NCALD: variants seen among roughly 807,000 people sequenced by gnomAD.
NCALD encodes neurocalcin delta.
A neutral mutation model predicts 18.6 loss-of-function variants in NCALD; 10 were observed. The ratio of observed to expected loss-of-function variants is 0.54; its 90% CI spans 0.33 to 0.91. The LOEUF (loss-of-function observed/expected upper bound fraction) is 0.91, where lower values mean the gene tolerates loss of function less well. Ranked by LOEUF, NCALD falls within the 40% of genes least tolerant of loss-of-function variation. NCALD has a pLI of 0.03. For missense variants in NCALD, 184 were observed against 247.6 expected, an observed-to-expected ratio of 0.74 and a Z score of 1.72; for synonymous variants, 88 against 87.4, an observed-to-expected ratio of 1.01 and a Z score of -0.04.
At position 101,868,526 on chromosome 8, in the gene NCALD, G is replaced by A. The variant is rs145790919; in HGVS notation, c.-20+18615C>T. On this transcript the variant is annotated intron_variant, in intron 4 of 6. Transcript: ENST00000311028. Reference sequence around the variant, plus strand: ...TTGCAAACCTCCCCCATTTCTGCCTGGCAGATGGAAAGTTGAAAGTACCTT... The same window carrying A: ...TTGCAAACCTCCCCCATTTCTGCCTAGCAGATGGAAAGTTGAAAGTACCTT... Among the ~76,000 whole-genome samples the A allele has an allele frequency of 6.1e-3, 931 of 152,294 alleles. 8 individuals carry two copies. The highest frequency in any genetic ancestry group is 0.024 in the Middle Eastern group (7 of 294).
At chr8:101,714,327 A>G (rs1254852232) in intron 2 of NCALD, among the ~76,000 whole-genome samples, 1 of 152,198 alleles carries the variant, frequency 6.6e-6, no homozygotes, top group Non-Finnish European at 1.5e-5. Context: ...CAAAAATCAC[A>G]AGCTTTCCTA....
chr8:102,097,110 G>A (rs1310049438), intron 1 of NCALD, among the ~76,000 whole-genome samples: 3 of 152,180 alleles, frequency 2.0e-5, no homozygotes, highest in African/African-American at 7.2e-5. Context: ...AGTCATGTAT[G>A]TTAGAGGTTT....
At chr8:101,704,705 G>T (rs553713528) in intron 2 of NCALD, among the ~76,000 whole-genome samples, 1 of 147,476 alleles carries the variant, frequency 6.8e-6, no homozygotes, top group African/African-American at 2.5e-5. Flanking sequence ...ATCAGCTGAG[G>T]TCAGGAGTTC....
intron 2 of NCALD, among the ~76,000 whole-genome samples, chr8:101,991,147 G>T (rs1821031176): frequency 6.6e-6 from 1 of 152,114 alleles, no homozygotes; most frequent in African/African-American, 2.4e-5. Context: ...TTTTTTGACT[G>T]CATTGTATCG....
intron 2 of NCALD, among the ~76,000 whole-genome samples, chr8:101,999,802 A>G (rs974709956): frequency 3.3e-5 from 5 of 152,162 alleles, no homozygotes; most frequent in Admixed American, 3.3e-4. Flanking sequence ...AAAAAAATCG[A>G]AAAACATTTT....
rs1491550100 is a variant in NCALD at position 101,763,966 on chromosome 8, C to CTCTCTCTCTCCACA, written c.-20+26895_-20+26896insTGTGGAGAGAGAGA. 2.9e-3 allele frequency among the ~76,000 whole-genome samples: 248 copies of CTCTCTCTCTCCACA among 85,280 alleles called. 1 individual carries two copies. The highest frequency in any genetic ancestry group is 8.7e-3 in the African/African-American group (221 of 25,408). The allele number at this position is 85,280 out of a possible 152,430, so 55.9% of individuals were successfully genotyped here. ...TTATGACAAATTTCTCTCTCTCTCTCCACACACACACACACACACACACAC... is the reference window on the plus strand; with the variant it reads ...TTATGACAAATTTCTCTCTCTCTCTCTCTCTCTCTCCACACACACACACACACACACACACACAC... On this transcript the variant is annotated intron_variant, in intron 1 of 3. Transcript: ENST00000220931.
intron 2 of NCALD, among the ~76,000 whole-genome samples, chr8:101,707,888 AAATAAATAAATAAAT>A (rs1161716824): frequency 1.3e-5 from 2 of 151,228 alleles, no homozygotes; most frequent in South Asian, 2.1e-4. Context: ...AATAATAAAT[AAATAAATAAATAAAT>A]AATAAATAAA....
chr8:101,756,700 G>A (rs970157213), intron 1 of NCALD, among the ~76,000 whole-genome samples: 2 of 152,216 alleles, frequency 1.3e-5, no homozygotes, highest in Non-Finnish European at 2.9e-5. Flanking sequence ...TACCTGCACT[G>A]CCGTTTGTGA....
chr8:102,006,260 T>G (rs1821707586), intron 2 of NCALD, among the ~76,000 whole-genome samples: 2 of 152,322 alleles, frequency 1.3e-5, no homozygotes, highest in Admixed American at 6.5e-5. Context: ...TGCAACAAGT[T>G]GACAAGCTGT....
At position 101,880,521 on chromosome 8, in the gene NCALD, G is replaced by A. The variant is rs187655324; in HGVS notation, c.-20+6620C>T. ...GAGCGGAGGCCGAGGCCAAGGAGGCGCTGAGAGTGAGTGAGGGCTGTGAGG... is the reference window on the plus strand; with the variant it reads ...GAGCGGAGGCCGAGGCCAAGGAGGCACTGAGAGTGAGTGAGGGCTGTGAGG... On this transcript the variant is annotated intron_variant, in intron 4 of 6. Coordinates refer to the NCALD transcript ENST00000311028. 1.2e-3 allele frequency among the ~76,000 whole-genome samples: 183 copies of A among 152,332 alleles called. 3 individuals carry two copies. In the East Asian group the frequency reaches 0.027, roughly 22 times the overall value.
chr8:102,064,965 C>T (rs1823957020), intron 1 of NCALD, among the ~76,000 whole-genome samples: 1 of 140,482 alleles, frequency 7.1e-6, no homozygotes, highest in Admixed American at 7.5e-5. Context: ...CAGTGGAGTC[C>T]AGCCTACAAT....
At chr8:101,830,417 T>C (rs1421553706) in intron 4 of NCALD, among the ~76,000 whole-genome samples, 2 of 151,906 alleles carry the variant, frequency 1.3e-5, no homozygotes, top group East Asian at 2.0e-4. Flanking sequence ...AAAAGTTAGC[T>C]GGGTGTAGTG....
intron 2 of NCALD, among the ~76,000 whole-genome samples, chr8:102,001,579 T>G (rs2132027596): frequency 6.6e-6 from 1 of 152,260 alleles, no homozygotes; most frequent in East Asian, 1.9e-4. Context: ...AATTGTCAGA[T>G]TCACCAAAGT....
intron 2 of NCALD, among the ~76,000 whole-genome samples, chr8:101,929,497 AAAGGG>A (rs1428862414): frequency 0.013 from 413 of 31,302 alleles, 27 homozygotes; most frequent in African/African-American, 0.051. Context: ...GAGGGAAAGG[AAAGGG>A]AAGGGAAGGA....
chr8:101,697,264 A>G (rs1428482490), intron 2 of NCALD, among the ~76,000 whole-genome samples: 1 of 152,212 alleles, frequency 6.6e-6, no homozygotes, highest in Non-Finnish European at 1.5e-5. Flanking sequence ...AAATCCCTGA[A>G]TAGACCAATA....
At chr8:101,765,439 GA>G (rs2130861468) in intron 1 of NCALD, among the ~76,000 whole-genome samples, 1 of 152,188 alleles carries the variant, frequency 6.6e-6, no homozygotes, top group African/African-American at 2.4e-5. Flanking sequence ...GTCAAACCCC[GA>G]CATGTGCAAA....
chr8:101,919,626 A>C (rs1431094325), intron 2 of NCALD, among the ~76,000 whole-genome samples: 1 of 152,086 alleles, frequency 6.6e-6, no homozygotes, highest in Non-Finnish European at 1.5e-5. Flanking sequence ...TTTGCAAACT[A>C]TGCATCCAAC....
At chr8:101,692,419 C>G (rs1348593712) in intron 3 of NCALD, 1 of 985,356 alleles carries the variant, frequency 1.0e-6, no homozygotes, top group South Asian at 4.7e-5. Flanking sequence ...GAATAACAAC[C>G]CTCTCCCCAT....
intron 4 of NCALD, among the ~76,000 whole-genome samples, chr8:101,796,894 C>T (rs187040076): frequency 5.9e-4 from 90 of 152,290 alleles, no homozygotes; most frequent in African/African-American, 2.1e-3. Context: ...TCAAAGTCAT[C>T]CCTCTGCTCA....
Sources: allele counts gnomAD v4.1 joint callset (sites outside exome capture counted in the v4.1 genomes callset), GRCh38; gene constraint gnomAD v4.1.1; transcripts MANE v1.5; gene names NCBI Gene and HGNC (gene_info 2026-07-23, HGNC 2026-07-21).